IL5RA: variants seen among roughly 807,000 people sequenced by gnomAD.
IL5RA encodes the protein interleukin 5 receptor subunit alpha, also known as interleukin-5 receptor subunit alpha.
A neutral mutation model predicts 50.0 loss-of-function variants in IL5RA; 49 were observed. The ratio of observed to expected loss-of-function variants is 0.98; its 90% CI spans 0.78 to 1.24. The LOEUF (loss-of-function observed/expected upper bound fraction) is 1.24, where lower values mean the gene tolerates loss of function less well. Ranked by LOEUF, IL5RA falls within the 50% of genes most tolerant of loss-of-function variation. The pLI is 0.00. For missense variants in IL5RA, 600 were observed against 500.4 expected, an observed-to-expected ratio of 1.20 and a Z score of -1.90; for synonymous variants, 202 against 174.0, an observed-to-expected ratio of 1.16 and a Z score of -1.26.
intron 10 of IL5RA, among the ~76,000 whole-genome samples, chr3:3,075,791 G>A (rs1032732464): frequency 1.3e-4 from 20 of 151,710 alleles, no homozygotes; most frequent in East Asian, 1.9e-4. Flanking sequence ...TAGTAGAGAC[G>A]GGGTTTCACC....
At chr3:3,072,213 C>G (rs1702324433) in intron 11 of IL5RA, among the ~76,000 whole-genome samples, 1 of 152,208 alleles carries the variant, frequency 6.6e-6, no homozygotes, top group South Asian at 2.1e-4. Flanking sequence ...CTCATCCCCT[C>G]TCAGGTGGAG....
At chr3:3,107,078 C>A (rs1021060246) in intron 2 of IL5RA, among the ~76,000 whole-genome samples, 1 of 151,918 alleles carries the variant, frequency 6.6e-6, no homozygotes, top group Non-Finnish European at 1.5e-5. Context: ...AATTGTTTTT[C>A]AAATTTAATC....
chr3:3,102,583 T>G (rs1575008834), intron 4 of IL5RA, 92 bp downstream of exon 4: 1 of 900,760 alleles, frequency 1.1e-6, no homozygotes, highest in South Asian at 1.8e-5. Flanking sequence ...AGTAATTTTA[T>G]TTTTTTAATC....
chr3:3,105,776 A>C (rs1703893516), intron 2 of IL5RA, among the ~76,000 whole-genome samples: 2 of 152,200 alleles, frequency 1.3e-5, no homozygotes, highest in African/African-American at 4.8e-5. Context: ...CCCAGTGTGA[A>C]CACACACAAA....
At chr3:3,081,004 A>G (rs975695282) in intron 9 of IL5RA, among the ~76,000 whole-genome samples, 8 of 152,282 alleles carry the variant, frequency 5.3e-5, no homozygotes, top group African/African-American at 1.7e-4. Context: ...CCCTATGGCT[A>G]TAGTATTTTT....
rs1702208239 is a variant in IL5RA at position 3,068,840 on chromosome 3, T to A, written c.*1385A>T. 6.6e-6 allele frequency: 1 copy of A among 152,132 alleles called. No homozygotes were observed. Among genetic ancestry groups the A allele is most frequent in the South Asian group, 2.1e-4 (1 of 4,826 alleles). 9.4% of individuals were successfully genotyped at this position (152,132 alleles called of 1,614,324 possible). A position where few individuals can be genotyped will look rare whatever the true frequency, so the allele number is the denominator to read the frequency against. Reference sequence around the variant, plus strand: ...TTCTCTGAACCTTAGTAACTGCAACTATAAAATGGGACAGTAATACAGATT... The same window carrying A: ...TTCTCTGAACCTTAGTAACTGCAACAATAAAATGGGACAGTAATACAGATT... On this transcript the variant is annotated 3_prime_UTR_variant, in exon 12 of 12. Transcript: ENST00000446632.
chr3:3,107,748 A>G (rs1311829383), intron 2 of IL5RA, among the ~76,000 whole-genome samples: 2 of 152,164 alleles, frequency 1.3e-5, no homozygotes, highest in African/African-American at 4.8e-5. Flanking sequence ...CTCTCTAAAA[A>G]TCTAGTTTCT....
At chr3:3,101,557 T>A in intron 5 of IL5RA, 135 bp downstream of exon 5, 1 of 747,834 alleles carries the variant, frequency 1.3e-6, no homozygotes, top group Non-Finnish European at 2.1e-6. Flanking sequence ...TTGGTTAGGA[T>A]GTTGTTGATA....
At chr3:3,071,552 A>AGTGTGT (rs55736610) in intron 11 of IL5RA, among the ~76,000 whole-genome samples, 3,338 of 135,920 alleles carry the variant, frequency 0.025, 50 homozygotes, top group Middle Eastern at 0.039. Context: ...CTTCCTTCAC[A>AGTGTGT]GTGTGTGTGT....
rs1234252121 is a variant in IL5RA at position 3,100,344 on chromosome 3, CT to C, written c.367+1347del. On this transcript the variant is annotated intron_variant, in intron 5 of 11. Transcript: ENST00000446632. ...TTAAAGATGGATTTCTTCTTCATAT[CT>C]GTGCTTTTGCACAGACAAAAAGAAG... Among the ~76,000 whole-genome samples the C allele has an allele frequency of 2.3e-5, 3 of 132,700 alleles. No individual in the cohort carries two copies. The Admixed American group carries it at 2.4e-4, about 11-fold the overall frequency. 87.1% of individuals were successfully genotyped at this position (132,700 alleles called of 152,430 possible).
At chr3:3,072,983 C>T (rs908480451) in intron 11 of IL5RA, among the ~76,000 whole-genome samples, 7 of 152,140 alleles carry the variant, frequency 4.6e-5, no homozygotes. Context: ...CAGCACACAT[C>T]CAGAACAGGC....
chr3:3,080,716 A>G (rs770507638), intron 9 of IL5RA, among the ~76,000 whole-genome samples: 4 of 152,168 alleles, frequency 2.6e-5, no homozygotes, highest in Non-Finnish European at 5.9e-5. Flanking sequence ...TTTATATGAG[A>G]TAGAGTCTTG....
Position 3,067,970 on chromosome 3 carries a change from G to T in IL5RA, c.*2255C>A, listed in dbSNP as rs1477523844. On this transcript the variant is annotated 3_prime_UTR_variant, in exon 12 of 12. Coordinates refer to ENST00000446632, the MANE Select transcript of IL5RA (RefSeq NM_175726.4). The stretch of plus-strand genomic sequence containing the variant: ...ACTGTCTGGGTTGTGGTTTGAAAGA[G>T]ATCAGACAGGGTGCTCCAAGCCGCC... The T allele has an allele frequency of 6.6e-6, 1 of 152,216 alleles. No individual in the cohort carries two copies. Among genetic ancestry groups the T allele is most frequent in the Non-Finnish European group, 1.5e-5 (1 of 68,042 alleles). 9.4% of individuals were successfully genotyped at this position (152,216 alleles called of 1,614,324 possible).
intron 11 of IL5RA, among the ~76,000 whole-genome samples, chr3:3,070,561 A>G (rs2125946548): frequency 6.9e-6 from 1 of 144,202 alleles, no homozygotes; most frequent in East Asian, 2.0e-4. Context: ...ACTTGAAGTC[A>G]TATGGATACA....
At chr3:3,104,165 A>C (rs922386602) in intron 3 of IL5RA, among the ~76,000 whole-genome samples, 12 of 152,076 alleles carry the variant, frequency 7.9e-5, no homozygotes, top group Non-Finnish European at 1.5e-4. Flanking sequence ...TCAACTTCCC[A>C]AGTAGCTGAG....
chr3:3,095,841 C>T (rs1703336456), intron 7 of IL5RA, among the ~76,000 whole-genome samples: 2 of 152,066 alleles, frequency 1.3e-5, no homozygotes, highest in Non-Finnish European at 2.9e-5. Flanking sequence ...TGCCTCTTCC[C>T]AGTAGGTATG....
At chr3:3,085,887 A>G (rs887475083) in intron 9 of IL5RA, among the ~76,000 whole-genome samples, 2 of 152,192 alleles carry the variant, frequency 1.3e-5, no homozygotes, top group Non-Finnish European at 2.9e-5. Flanking sequence ...CTCTATGTTT[A>G]AGGAGCTGTC....
chr3:3,085,637 C>T (rs1193710665), intron 9 of IL5RA, among the ~76,000 whole-genome samples: 3 of 152,070 alleles, frequency 2.0e-5, no homozygotes, highest in African/African-American at 7.2e-5. Context: ...ACAAAGGTAC[C>T]AAGTCACCTC....
At chr3:3,078,236 G>C (rs919927241) in intron 9 of IL5RA, among the ~76,000 whole-genome samples, 3 of 152,184 alleles carry the variant, frequency 2.0e-5, no homozygotes, top group Non-Finnish European at 4.4e-5. Context: ...TCAGGTCCTT[G>C]TTAATAGCCT....
Sources: gnomAD v4.1 joint callset for allele counts (sites outside exome capture counted in the v4.1 genomes callset) on GRCh38, gnomAD v4.1.1 for gene constraint, MANE v1.5 for transcripts, NCBI Gene and HGNC (gene_info 2026-07-23, HGNC 2026-07-21) for gene names.